The following FBN2 variants were observed in gnomAD, a reference collection of about 807,000 sequenced individuals.
FBN2 encodes fibrillin 2.
Under a neutral mutation model 355.6 loss-of-function variants are expected in FBN2, and 105 were observed. The ratio of observed to expected loss-of-function variants is 0.30; its 90% CI spans 0.25 to 0.35. The LOEUF is 0.35. Among genes scored for constraint, FBN2 ranks in the 10% least tolerant of loss-of-function variants. FBN2 has a pLI of 1.00. For synonymous variants in FBN2, 1,350 were observed against 1,301.2 expected, an observed-to-expected ratio of 1.04 and a Z score of -0.81; for missense variants, 3,280 against 3,758.7, an observed-to-expected ratio of 0.87 and a Z score of 3.33.
chr5:128,326,316 G>C (rs889053506), intron 34 of FBN2, among the ~76,000 whole-genome samples: 1 of 152,194 alleles, frequency 6.6e-6, no homozygotes, highest in Non-Finnish European at 1.5e-5. Flanking sequence ...TGAGAATGGG[G>C]AGAGCTCCTC....
intron 34 of FBN2, among the ~76,000 whole-genome samples, chr5:128,325,903 C>T (rs1750530988): frequency 6.6e-6 from 1 of 152,116 alleles, no homozygotes; most frequent in African/African-American, 2.4e-5. Flanking sequence ...TCCCTTGATT[C>T]TACAATCTCC....
At position 128,311,338 on chromosome 5, in the gene FBN2, T is replaced by C. The variant is rs775346240; in HGVS notation, c.5036A>G (p.Gln1679Arg). ...TFGSFQCECPQGYYLSEDTRI... is the reference protein window; with the variant it reads ...TFGSFQCECPRGYYLSEDTRI... ...GGTATCCTCGCTGAGGTAGTAGCCT[T>C]GTGGGCACTCACACTGGAAGCTCCC... Residue 1679 changes from glutamine to arginine, a missense_variant, in exon 39 of 65, where the codon CAA (glutamine) becomes CGA (arginine). Gln to Arg is a conservative substitution (Grantham distance 43). This residue lies in a region of FBN2 where 2,284 missense variants were observed against 2,749.5 expected (regional missense o/e 0.83). Coordinates refer to ENST00000262464, the MANE Select transcript of FBN2 (RefSeq NM_001999.4). The C allele has an allele frequency of 1.2e-6, 2 of 1,614,108 alleles. No individual in the cohort carries two copies. The highest frequency in any genetic ancestry group is 1.7e-6 in the Non-Finnish European group (2 of 1,180,002).
intron 7 of FBN2, among the ~76,000 whole-genome samples, chr5:128,428,903 CG>C (rs1193819272): frequency 3.3e-5 from 5 of 152,132 alleles, no homozygotes; most frequent in Non-Finnish European, 1.5e-5. Flanking sequence ...TCACCTCTCA[CG>C]GATGATTCTA....
rs1749476304 is a variant in FBN2, at chr5:128,295,428, G to A, written c.6167-3774C>T. On this transcript the variant is annotated intron_variant, in intron 48 of 64. Transcript: ENST00000262464. ...TTGAATCTGTAAATTACCTTGGGCA[G>A]TATGGCCATTTTCACAATATTGATT... is the stretch of plus-strand genomic sequence containing the variant. Among the ~76,000 whole-genome samples, 3 of 150,964 alleles carry A rather than the reference G, an allele frequency of 2.0e-5. No individual in the cohort carries two copies. In the East Asian group the frequency reaches 5.8e-4, roughly 29 times the overall value.
chr5:128,523,779 A>AT (rs111737216), intron 4 of FBN2, among the ~76,000 whole-genome samples: 12,922 of 150,548 alleles, frequency 0.086, 565 homozygotes, highest in African/African-American at 0.11. Context: ...TACTTTTTCT[A>AT]TTTTTTTTTA....
At chr5:128,297,362 G>C (rs1749553035) in intron 48 of FBN2, among the ~76,000 whole-genome samples, 1 of 152,188 alleles carries the variant, frequency 6.6e-6, no homozygotes, top group South Asian at 2.1e-4. Context: ...TCCGCTTGGT[G>C]CAGAGCTGAG....
intron 6 of FBN2, among the ~76,000 whole-genome samples, chr5:128,458,322 G>A (rs778403218): frequency 2.0e-5 from 3 of 151,742 alleles, no homozygotes; most frequent in African/African-American, 4.8e-5. Flanking sequence ...GTTATTAGAG[G>A]CCTATAAAGA....
At chr5:128,434,394 G>GCATATATATA (rs1554068954) in intron 7 of FBN2, among the ~76,000 whole-genome samples, 2 of 91,678 alleles carry the variant, frequency 2.2e-5, no homozygotes, top group Non-Finnish European at 4.1e-5. Context: ...AATAAAGTGT[G>GCATATATATA]TATATATATA....
chr5:128,427,494 C>T (rs978515502), intron 7 of FBN2, among the ~76,000 whole-genome samples: 3 of 152,176 alleles, frequency 2.0e-5, no homozygotes, highest in Non-Finnish European at 2.9e-5. Context: ...GACCGCCATT[C>T]TTTCTTCTAA....
intron 5 of FBN2, among the ~76,000 whole-genome samples, chr5:128,488,191 C>G (rs1174479042): frequency 2.2e-5 from 3 of 134,638 alleles, no homozygotes; most frequent in East Asian, 3.9e-4. Flanking sequence ...AACCCAGACT[C>G]AAGAATCTAT....
chr5:128,374,870 A>G, intron 14 of FBN2, 120 bp from the exon 15 acceptor site: 3 of 1,024,512 alleles, frequency 2.9e-6, no homozygotes, highest in Non-Finnish European at 4.4e-6. Context: ...TAATTTGTGA[A>G]GAACAAATAA....
At chr5:128,482,372 C>T (rs1184131992) in intron 5 of FBN2, among the ~76,000 whole-genome samples, 2 of 151,990 alleles carry the variant, frequency 1.3e-5, no homozygotes, top group Non-Finnish European at 2.9e-5. Context: ...TGGCAACTTC[C>T]CCTCACTCTC....
chr5:128,492,803 CAAAAAAAAAA>C (rs578258680), intron 5 of FBN2, among the ~76,000 whole-genome samples: 94 of 43,786 alleles, frequency 2.1e-3, no homozygotes, highest in African/African-American at 5.1e-3. Context: ...AACTCCATCT[CAAAAAAAAAA>C]AAAAAAAAAA....
intron 7 of FBN2, among the ~76,000 whole-genome samples, chr5:128,433,892 T>C (rs1753696842): frequency 6.6e-6 from 1 of 152,114 alleles, no homozygotes. Context: ...AAAGCTTACA[T>C]AAAAACATAG....
intron 11 of FBN2, among the ~76,000 whole-genome samples, chr5:128,385,485 A>G (rs331075): frequency 0.38 from 57,414 of 152,010 alleles, 11,121 homozygotes; most frequent in Admixed American, 0.44. Context: ...CTGTTTCCAC[A>G]TCTTTATATT....
intron 5 of FBN2, among the ~76,000 whole-genome samples, chr5:128,467,552 A>G (rs1409085052): frequency 6.6e-6 from 1 of 152,176 alleles, no homozygotes; most frequent in Non-Finnish European, 1.5e-5. Context: ...TGGACAAAAG[A>G]GTCCTTAAAA....
chr5:128,333,708 C>A (rs1157047649), intron 31 of FBN2, among the ~76,000 whole-genome samples: 1 of 150,936 alleles, frequency 6.6e-6, no homozygotes, highest in African/African-American at 2.4e-5. Flanking sequence ...ATTTGTGTGT[C>A]TGTATACACA....
intron 7 of FBN2, among the ~76,000 whole-genome samples, chr5:128,440,853 A>T (rs1057264266): frequency 6.6e-5 from 10 of 152,238 alleles, no homozygotes; most frequent in South Asian, 4.1e-4. Flanking sequence ...GCGGCATAGA[A>T]TACTTCGGAG....
intron 9 of FBN2, among the ~76,000 whole-genome samples, chr5:128,393,909 G>A (rs1025116464): frequency 3.9e-5 from 6 of 152,122 alleles, no homozygotes; most frequent in Non-Finnish European, 8.8e-5. Context: ...AGGTGACAAA[G>A]TTGAGTAAAG....
Sources: allele counts gnomAD v4.1 joint callset (sites outside exome capture counted in the v4.1 genomes callset), GRCh38; gene constraint gnomAD v4.1.1; regional missense constraint gnomAD v4.1.1; transcripts MANE v1.5; gene names NCBI Gene and HGNC (gene_info 2026-07-23, HGNC 2026-07-21).